The following PRCP variants were observed in gnomAD, a reference collection of about 807,000 sequenced individuals.
PRCP encodes prolylcarboxypeptidase, also known as lysosomal Pro-X carboxypeptidase.
PRCP carries 46 observed loss-of-function variants against 54.2 expected under a neutral mutation model. The ratio of observed to expected loss-of-function variants is 0.85; its 90% CI spans 0.67 to 1.09. PRCP has a LOEUF of 1.09. Among genes scored for constraint, PRCP ranks in the 50% least tolerant of loss-of-function variants. The pLI, the probability that PRCP is intolerant of heterozygous loss-of-function variation, is 0.00. For missense variants in PRCP, 613 were observed against 596.8 expected (o/e 1.03, Z -0.28); for synonymous variants, 240 against 212.2 (o/e 1.13, Z -1.14).
chr11:82,868,827 G>C (rs1859403972), intron 1 of PRCP, among the ~76,000 whole-genome samples: 1 of 152,134 alleles, frequency 6.6e-6, no homozygotes, highest in Non-Finnish European at 1.5e-5. Context: ...ATTGAGGCCA[G>C]GAGTTCGAGA....
In PRCP at chr11:82,824,809, A is replaced by T; in HGVS notation, c.*97T>A. ...AACTTTGGCCCCATCAAATCTAATG[A>T]TAAACAAAAGAAGGTAATTACATGT... On this transcript the variant is annotated 3_prime_UTR_variant, in exon 9 of 9. Transcript: ENST00000313010. The T allele has an allele frequency of 7.9e-7, 1 of 1,260,938 alleles. No homozygotes were observed. Among genetic ancestry groups the T allele is most frequent in the African/African-American group, 1.5e-5 (1 of 67,306 alleles). 78.1% of individuals were successfully genotyped at this position (1,260,938 alleles called of 1,614,324 possible). A position where few individuals can be genotyped will look rare whatever the true frequency, so the allele number is the denominator to read the frequency against.
chr11:82,850,210 C>G lies in PRCP; in HGVS notation c.593+114G>C, dbSNP rs1281221667. The G allele has an allele frequency of 3.7e-6, 4 of 1,084,754 alleles. No homozygotes were observed. In the East Asian group the frequency reaches 1.2e-4, roughly 32 times the overall value. The allele number at this position is 1,084,754 out of a possible 1,614,324, so 67.2% of individuals were successfully genotyped here. ...AAAAATAACACAGCTGTTAATGAGA[C>G]AGAAGCCAGAAACCTCAGGGTAATG... On this transcript the variant is annotated intron_variant, in intron 4 of 8. Transcript: ENST00000313010.
At chr11:82,825,794 G>A (rs968188276) in intron 8 of PRCP, 28 of 152,232 alleles carry the variant, frequency 1.8e-4, no homozygotes, top group African/African-American at 6.8e-4. Context: ...TTTTACATTA[G>A]CTTTAAAGTT....
At chr11:82,898,206 G>A (rs1388814323) in intron 1 of PRCP, among the ~76,000 whole-genome samples, 9 of 152,242 alleles carry the variant, frequency 5.9e-5, no homozygotes, top group East Asian at 3.9e-4. Flanking sequence ...AAATACATAC[G>A]TGGAATCTGT....
chr11:82,882,496 T>TAAAATACTGAAATATTTCCATATGAG (rs1565234158), intron 1 of PRCP, among the ~76,000 whole-genome samples: 2 of 143,576 alleles, frequency 1.4e-5, no homozygotes, highest in African/African-American at 5.2e-5. Flanking sequence ...AGCCAGTTCT[T>TAAAATACTGAAATATTTCCATATGAG]TTTTTTTTTT....
In PRCP at chr11:82,853,686, C is replaced by G. The variant is rs530500241; in HGVS notation, c.310-408G>C. On this transcript the variant is annotated intron_variant, in intron 2 of 8. Transcript: ENST00000313010. ...AAGCTAGCATCATTATGATACAACA[C>G]CTGGCAGGGACACAATGAAACAAGA... 1.6e-4 allele frequency among the ~76,000 whole-genome samples: 24 copies of G among 152,246 alleles called. No homozygotes were observed. The South Asian group carries it at 4.8e-3, about 30-fold the overall frequency.
intron 3 of PRCP, among the ~76,000 whole-genome samples, chr11:82,852,345 C>G (rs1858977856): frequency 6.6e-6 from 1 of 152,230 alleles, no homozygotes; most frequent in African/African-American, 2.4e-5. Context: ...TCAAAATAGG[C>G]AGCCTAGTAA....
At chr11:82,837,579 A>C (rs928052916) in intron 8 of PRCP, among the ~76,000 whole-genome samples, 5 of 152,246 alleles carry the variant, frequency 3.3e-5, no homozygotes, top group African/African-American at 1.2e-4. Flanking sequence ...ACAATTTTAA[A>C]AATAGCTCTG....
At chr11:82,847,662 A>AG (rs1858839666) in intron 6 of PRCP, among the ~76,000 whole-genome samples, 1 of 152,124 alleles carries the variant, frequency 6.6e-6, no homozygotes, top group Non-Finnish European at 1.5e-5. Flanking sequence ...GCTGGAGTAC[A>AG]GTGGCATGAT....
rs199853088 is a variant in PRCP at position 82,883,745 on chromosome 11, AGATGCAC to A, written c.168+16483_168+16489del. On this transcript the variant is annotated intron_variant, in intron 1 of 8. Coordinates refer to ENST00000313010, the MANE Select transcript of PRCP (RefSeq NM_005040.4). ...GACTTGGTGCTGCTGCAGGCCTCTC[AGATGCAC>A]AGATGAGTGTGACCCAAGGTTGCTT... Among the ~76,000 whole-genome samples, 209 of 152,356 alleles carry A rather than the reference AGATGCAC, an allele frequency of 1.4e-3. 1 individual carries two copies. The highest frequency in any genetic ancestry group is 4.9e-3 in the African/African-American group (202 of 41,584).
At chr11:82,866,463 A>T (rs1859337549) in intron 1 of PRCP, among the ~76,000 whole-genome samples, 1 of 152,242 alleles carries the variant, frequency 6.6e-6, no homozygotes, top group South Asian at 2.1e-4. Context: ...GTTAACCAGG[A>T]GACAGAACTG....
At chr11:82,827,929 AT>A (rs1417813704) in intron 8 of PRCP, 4 of 152,274 alleles carry the variant, frequency 2.6e-5, no homozygotes, top group East Asian at 1.9e-4. Flanking sequence ...AAAGGAAGCA[AT>A]TTTTAATGTC....
intron 1 of PRCP, among the ~76,000 whole-genome samples, chr11:82,878,588 T>C (rs112286270): frequency 0.013 from 1,951 of 152,284 alleles, 33 homozygotes; most frequent in African/African-American, 0.044. Context: ...GTCATTATGA[T>C]GTTAGCTGGT....
chr11:82,823,335 G>A lies in PRCP; in HGVS notation c.*1571C>T, dbSNP rs1213364758. 6.6e-6 allele frequency among the ~76,000 whole-genome samples: 1 copy of A among 152,128 alleles called. No individual in the cohort carries two copies. On this transcript the variant is annotated 3_prime_UTR_variant, in exon 9 of 9. Transcript: ENST00000313010. ...TTGACAAAGAATAAAAACTAGTATT[G>A]TTTTGGCCCTTAAATTCCCACCCAA... is the stretch of plus-strand genomic sequence containing the variant.
At chr11:82,845,640 A>ATT (rs1056664141) in intron 6 of PRCP, 3 of 152,128 alleles carry the variant, frequency 2.0e-5, no homozygotes, top group African/African-American at 7.2e-5. Context: ...AACGGAAGAG[A>ATT]TTTTTCCATC....
rs1287710163 is a variant in PRCP at position 82,839,428 on chromosome 11, G to A, written c.922-3C>T. On this transcript the variant is annotated splice_region_variant and splice_polypyrimidine_tract_variant and intron_variant, in intron 6 of 8. Coordinates refer to ENST00000313010, the MANE Select transcript of PRCP (RefSeq NM_005040.4). ...TTTTTCAAATACTGGCACACTACCT[G>A]TCATTTTAGAAAGATAAATGGGGAA... The A allele has an allele frequency of 2.5e-6, 4 of 1,606,244 alleles. No homozygotes were observed. In the South Asian group the frequency reaches 4.4e-5, roughly 18 times the overall value.
At chr11:82,882,494 CTTTT>C (rs766453104) in intron 1 of PRCP, among the ~76,000 whole-genome samples, 2 of 127,810 alleles carry the variant, frequency 1.6e-5, no homozygotes, top group African/African-American at 3.1e-5. Flanking sequence ...TGAGCCAGTT[CTTTT>C]TTTTTTTTTT....
Position 82,824,769 on chromosome 11 carries a change from C to A in PRCP, c.*137G>T. 1.2e-6 allele frequency: 1 copy of A among 856,156 alleles called. No homozygotes were observed. Among genetic ancestry groups the A allele is most frequent in the Non-Finnish European group, 1.8e-6 (1 of 556,332 alleles). The allele number at this position is 856,156 out of a possible 1,614,324, so 53.0% of individuals were successfully genotyped here. ...GGACACTTGCTCTTACCGTCATCAC[C>A]CTCTATTCTATCTCAACTTTGGCCC... On this transcript the variant is annotated 3_prime_UTR_variant, in exon 9 of 9. Transcript: ENST00000313010.
chr11:82,842,381 C>A (rs1455065804), intron 6 of PRCP, among the ~76,000 whole-genome samples: 1 of 152,206 alleles, frequency 6.6e-6, no homozygotes, highest in Admixed American at 6.5e-5. Flanking sequence ...ATTAAGGGCA[C>A]TCCCCAGGCA....
Sources: gnomAD v4.1 joint callset for allele counts (sites outside exome capture counted in the v4.1 genomes callset) on GRCh38, gnomAD v4.1.1 for gene constraint, MANE v1.5 for transcripts, NCBI Gene and HGNC (gene_info 2026-07-23, HGNC 2026-07-21) for gene names.